The following BEND7 variants were observed in gnomAD, a reference collection of about 807,000 sequenced individuals.
The protein encoded by BEND7 is BEN domain containing 7.
BEND7 carries 28 observed loss-of-function variants against 50.9 expected under a neutral mutation model. The ratio of observed to expected loss-of-function variants is 0.55; its 90% CI spans 0.41 to 0.75. The LOEUF is 0.75. Among genes scored for constraint, BEND7 ranks in the 30% least tolerant of loss-of-function variants. BEND7 has a pLI of 0.00. For missense variants in BEND7, 477 were observed against 491.3 expected, an observed-to-expected ratio of 0.97 and a Z score of 0.28; for synonymous variants, 170 against 183.9, an observed-to-expected ratio of 0.92 and a Z score of 0.61.
chr10:13,461,513 A>C (rs1840198773), intron 6 of BEND7, among the ~76,000 whole-genome samples: 1 of 152,214 alleles, frequency 6.6e-6, no homozygotes, highest in African/African-American at 2.4e-5. Flanking sequence ...CGGGCAGATC[A>C]CTTTCAGTCA....
At chr10:13,469,865 A>ACTTTCAGG (rs1329917506) in intron 6 of BEND7, among the ~76,000 whole-genome samples, 1 of 152,178 alleles carries the variant, frequency 6.6e-6, no homozygotes, top group African/African-American at 2.4e-5. Context: ...TTTGCAATGC[A>ACTTTCAGG]CTTTCAGGGC....
At chr10:13,461,348 T>C (rs1174302419) in intron 6 of BEND7, among the ~76,000 whole-genome samples, 1 of 152,104 alleles carries the variant, frequency 6.6e-6, no homozygotes, top group Non-Finnish European at 1.5e-5. Context: ...CTGGTGAGGC[T>C]GCAAAGGGCA....
At chr10:13,513,618 C>T (rs1436841339) in intron 2 of BEND7, among the ~76,000 whole-genome samples, 4 of 152,184 alleles carry the variant, frequency 2.6e-5, no homozygotes, top group African/African-American at 7.2e-5. Flanking sequence ...TGCTTCTCCC[C>T]ACCACCACCC....
chr10:13,520,328 C>T (rs910688310), intron 2 of BEND7, among the ~76,000 whole-genome samples: 1 of 152,130 alleles, frequency 6.6e-6, no homozygotes, highest in Admixed American at 6.5e-5. Flanking sequence ...GGCCATAGCT[C>T]CTGCCCACCC....
chr10:13,492,170 T>C (rs1486030062), intron 5 of BEND7, among the ~76,000 whole-genome samples: 1 of 152,190 alleles, frequency 6.6e-6, no homozygotes, highest in Non-Finnish European at 1.5e-5. Context: ...GTGGCTTGCA[T>C]CTATAAAATA....
chr10:13,527,601 G>C (rs953692778), intron 1 of BEND7, among the ~76,000 whole-genome samples: 13 of 152,280 alleles, frequency 8.5e-5, no homozygotes, highest in Middle Eastern at 3.4e-3. Flanking sequence ...CATTTAAACA[G>C]AGCGGGTCTA....
chr10:13,529,531 T>A (rs918690007), upstream of BEND7, among the ~76,000 whole-genome samples: 8 of 152,130 alleles, frequency 5.3e-5, no homozygotes, highest in East Asian at 1.6e-3. Context: ...GCTGGGCGGA[T>A]TGTGGAAAGA....
chr10:13,516,597 G>A (rs1481950815), intron 2 of BEND7, among the ~76,000 whole-genome samples: 1 of 152,118 alleles, frequency 6.6e-6, no homozygotes, highest in South Asian at 2.1e-4. Flanking sequence ...GTGGTGGCAC[G>A]TGCCTATAGT....
rs1836507386 is a variant in BEND7 at position 13,447,090 on chromosome 10, T to C, written c.1234+176A>G. 4.5e-6 allele frequency: 3 copies of C among 669,260 alleles called. No homozygotes were observed. The South Asian group carries it at 5.3e-5, about 12-fold the overall frequency. The allele number at this position is 669,260 out of a possible 1,614,324, so 41.5% of individuals were successfully genotyped here. A position where few individuals can be genotyped will look rare whatever the true frequency, so the allele number is the denominator to read the frequency against. On this transcript the variant is annotated intron_variant, in intron 8 of 8. Coordinates refer to ENST00000466271, the MANE Select transcript of BEND7 (RefSeq NM_001369863.1). ...GAGAAAAACGTTTTTCTATTCAGTA[T>C]GAAAAACATCTCTGAGTACGGGGCC...
intron 5 of BEND7, among the ~76,000 whole-genome samples, chr10:13,484,439 G>A (rs1024363947): frequency 3.3e-5 from 5 of 152,050 alleles, no homozygotes; most frequent in Non-Finnish European, 7.4e-5. Context: ...ATCTTTGTAC[G>A]TATATTTAAA....
chr10:13,446,579 G>A (rs746653941), intron 8 of BEND7: 3 of 152,302 alleles, frequency 2.0e-5, no homozygotes, highest in Non-Finnish European at 4.4e-5. Context: ...TTTCCACAAG[G>A]CTCATTGATC....
chr10:13,457,992 G>C (rs190118980), intron 6 of BEND7, among the ~76,000 whole-genome samples: 113 of 152,318 alleles, frequency 7.4e-4, no homozygotes, highest in East Asian at 7.7e-4. Context: ...AACGAGCCCA[G>C]ATAATCTGAA....
chr10:13,520,146 C>A (rs562404556), intron 2 of BEND7, among the ~76,000 whole-genome samples: 1 of 152,224 alleles, frequency 6.6e-6, no homozygotes, highest in African/African-American at 2.4e-5. Context: ...TATGACCTTA[C>A]GTACATTAAC....
intron 5 of BEND7, among the ~76,000 whole-genome samples, chr10:13,482,333 T>C (rs1363681294): frequency 3.3e-5 from 5 of 152,204 alleles, no homozygotes. Context: ...TAAACTGTTG[T>C]TAGGAAAAAA....
chr10:13,464,050 G>C (rs1024940453), intron 6 of BEND7, among the ~76,000 whole-genome samples: 2 of 152,276 alleles, frequency 1.3e-5, no homozygotes, highest in Non-Finnish European at 2.9e-5. Context: ...ATGCGGGAAA[G>C]TGGGATTTCT....
rs140777387 is a variant in BEND7 at position 13,499,886 on chromosome 10, G to C, written c.340C>G (p.Arg114Gly). ...GGCGGTAGCTCATTCCACACACCAC[G>C]TGAAGACGGGTGGAGGCTTTGCGGG... Reference protein sequence around the residue: ...EAPQSLHPSSRGVWNELPPQS... With the variant: ...EAPQSLHPSSGGVWNELPPQS... Residue 114 changes from arginine to glycine, a missense_variant, in exon 3 of 9, where the codon CGT becomes GGT. Arg to Gly is a moderately radical substitution (Grantham distance 125). Transcript: ENST00000466271. The C allele has an allele frequency of 1.9e-6, 3 of 1,614,170 alleles. No homozygotes were observed. The East Asian group carries it at 6.7e-5, about 36-fold the overall frequency.
chr10:13,509,615 G>T (rs759591523), intron 2 of BEND7, among the ~76,000 whole-genome samples: 7 of 152,200 alleles, frequency 4.6e-5, no homozygotes, highest in Non-Finnish European at 1.0e-4. Context: ...TTTACCCTGG[G>T]AGGACTACGC....
chr10:13,529,097 G>A (rs1357831880), upstream of BEND7: 2 of 144,936 alleles, frequency 1.4e-5, no homozygotes, highest in African/African-American at 2.5e-5. Flanking sequence ...GGGACCCCAG[G>A]GCCACCTGCT....
At chr10:13,516,506 G>T (rs1269530183) in intron 2 of BEND7, among the ~76,000 whole-genome samples, 1 of 152,140 alleles carries the variant, frequency 6.6e-6, no homozygotes, top group African/African-American at 2.4e-5. Flanking sequence ...CAGGCAGATC[G>T]CTTGAAGTCG....
Sources: allele counts gnomAD v4.1 joint callset (sites outside exome capture counted in the v4.1 genomes callset), GRCh38; gene constraint gnomAD v4.1.1; transcripts MANE v1.5; gene names NCBI Gene and HGNC (gene_info 2026-07-23, HGNC 2026-07-21).